PAWR: variants seen among roughly 807,000 people sequenced by gnomAD.
The protein encoded by PAWR is PRKC apoptosis WT1 regulator protein.
In PAWR, 23 loss-of-function variants were observed where a neutral mutation model predicts 32.0. The observed-to-expected ratio is 0.72, with a 90% CI of 0.52 to 1.02. The LOEUF (loss-of-function observed/expected upper bound fraction) is 1.02, where lower values mean the gene tolerates loss of function less well. Among genes scored for constraint, PAWR ranks in the 50% least tolerant of loss-of-function variants. The pLI, the probability that PAWR is intolerant of heterozygous loss-of-function variation, is 0.00. For missense variants in PAWR, 457 were observed against 437.7 expected (o/e 1.04, Z -0.39); for synonymous variants, 226 against 187.1 (o/e 1.21, Z -1.70).
In PAWR at chr12:79,591,294, C is replaced by G. The variant is rs1391788546; in HGVS notation, c.*1313G>C. The G allele has an allele frequency of 2.0e-5, 3 of 152,110 alleles. No individual in the cohort carries two copies. Among genetic ancestry groups the G allele is most frequent in the Non-Finnish European group, 4.4e-5 (3 of 68,016 alleles). The allele number at this position is 152,110 out of a possible 1,614,324, so 9.4% of individuals were successfully genotyped here. A position where few individuals can be genotyped will look rare whatever the true frequency, so the allele number is the denominator to read the frequency against. On this transcript the variant is annotated 3_prime_UTR_variant, in exon 7 of 7. Transcript: ENST00000328827. ...TGTCTCACCTTCTCTATTTTTCTAA[C>G]AGTGAACAATAAAAGGGCTTGGCAA...
chr12:79,672,791 T>G (rs1319897954), intron 2 of PAWR, among the ~76,000 whole-genome samples: 1 of 151,886 alleles, frequency 6.6e-6, no homozygotes, highest in Non-Finnish European at 1.5e-5. Context: ...GAAAATAAAA[T>G]AATCCTAATT....
chr12:79,637,729 C>A (rs1876029793), intron 2 of PAWR, among the ~76,000 whole-genome samples: 1 of 151,940 alleles, frequency 6.6e-6, no homozygotes, highest in Non-Finnish European at 1.5e-5. Context: ...CACTCACACA[C>A]ATACAACATA....
chr12:79,681,421 C>T (rs775944707), intron 2 of PAWR, among the ~76,000 whole-genome samples: 2 of 152,066 alleles, frequency 1.3e-5, no homozygotes. Context: ...CATAGTACTG[C>T]AGCCTGGGGA....
At chr12:79,621,477 T>C (rs774618657) in intron 2 of PAWR, among the ~76,000 whole-genome samples, 7 of 152,212 alleles carry the variant, frequency 4.6e-5, no homozygotes, top group Non-Finnish European at 1.0e-4. Flanking sequence ...GAAAGGTTTA[T>C]TCATTCTTTA....
intron 2 of PAWR, among the ~76,000 whole-genome samples, chr12:79,623,776 G>C (rs888057662): frequency 1.3e-5 from 2 of 151,714 alleles, no homozygotes; most frequent in African/African-American, 4.8e-5. Flanking sequence ...GCATCATCTG[G>C]AAGAAAAAAT....
chr12:79,610,028 C>T (rs1874365587), intron 4 of PAWR, among the ~76,000 whole-genome samples: 1 of 152,170 alleles, frequency 6.6e-6, no homozygotes, highest in African/African-American at 2.4e-5. Context: ...ACCTGTGCTC[C>T]CCCTCCCACG....
chr12:79,617,519 A>G (rs1313521890), intron 3 of PAWR, among the ~76,000 whole-genome samples: 3 of 152,160 alleles, frequency 2.0e-5, no homozygotes, highest in Non-Finnish European at 4.4e-5. Flanking sequence ...CCAAAAAGAG[A>G]AAACTGGGCA....
intron 4 of PAWR, among the ~76,000 whole-genome samples, chr12:79,598,525 C>T (rs1873844468): frequency 6.6e-6 from 1 of 152,156 alleles, no homozygotes; most frequent in Non-Finnish European, 1.5e-5. Flanking sequence ...AGCAAATTTA[C>T]AGTTAAATCG....
chr12:79,639,086 T>C (rs1201131179), intron 2 of PAWR, among the ~76,000 whole-genome samples: 1 of 149,572 alleles, frequency 6.7e-6, no homozygotes, highest in African/African-American at 2.5e-5. Flanking sequence ...CTAATTTTTG[T>C]ATTTTTAGTA....
intron 4 of PAWR, among the ~76,000 whole-genome samples, chr12:79,606,220 T>C (rs1007395625): frequency 6.6e-6 from 1 of 152,194 alleles, no homozygotes; most frequent in Non-Finnish European, 1.5e-5. Context: ...AGAATGGATA[T>C]GAACGGTATG....
At chr12:79,610,350 C>A (rs1353692187) in intron 4 of PAWR, among the ~76,000 whole-genome samples, 1 of 152,138 alleles carries the variant, frequency 6.6e-6, no homozygotes, top group African/African-American at 2.4e-5. Context: ...TCAAACTGTT[C>A]CCTAATGTAC....
At chr12:79,667,376 C>A (rs1430115698) in intron 2 of PAWR, among the ~76,000 whole-genome samples, 1 of 152,106 alleles carries the variant, frequency 6.6e-6, no homozygotes, top group African/African-American at 2.4e-5. Context: ...TCTGATCAAA[C>A]CTCTAGTTTA....
rs568791207 is a variant in PAWR at position 79,687,696 on chromosome 12, C to T, written c.516+2033G>A. Among the ~76,000 whole-genome samples, 22 of 152,144 alleles carry T rather than the reference C, an allele frequency of 1.4e-4. No homozygotes were observed. In the South Asian group the frequency reaches 4.1e-3, roughly 29 times the overall value. On this transcript the variant is annotated intron_variant, in intron 2 of 6. Coordinates refer to ENST00000328827, the MANE Select transcript of PAWR (RefSeq NM_002583.4). ...CTGGTATTCTCAATGTTGAAACTAC[C>T]AGGAGAAATGGCACAATTCTAAAAA...
intron 2 of PAWR, among the ~76,000 whole-genome samples, chr12:79,667,266 T>C (rs773162360): frequency 2.0e-5 from 3 of 152,164 alleles, no homozygotes; most frequent in Admixed American, 6.5e-5. Context: ...ATTGCTGACA[T>C]AGAAAAAGAA....
chr12:79,600,264 C>T (rs1415390307), intron 4 of PAWR, among the ~76,000 whole-genome samples: 1 of 152,040 alleles, frequency 6.6e-6, no homozygotes, highest in Non-Finnish European at 1.5e-5. Flanking sequence ...TCAAAAAAGT[C>T]CAGTAAAGTT....
At chr12:79,638,680 A>G (rs1876086283) in intron 2 of PAWR, among the ~76,000 whole-genome samples, 1 of 150,984 alleles carries the variant, frequency 6.6e-6, no homozygotes, top group Non-Finnish European at 1.5e-5. Flanking sequence ...TTGTATGAAT[A>G]ATGGCTCCGA....
At chr12:79,614,027 T>G (rs1874606312) in intron 3 of PAWR, among the ~76,000 whole-genome samples, 1 of 93,340 alleles carries the variant, frequency 1.1e-5, no homozygotes, top group African/African-American at 3.7e-5. Context: ...TTTTTTTTTT[T>G]GAGAAGGAGT....
Position 79,689,643 on chromosome 12 carries a change from G to A in PAWR, c.516+86C>T. On this transcript the variant is annotated intron_variant, in intron 2 of 6. Transcript: ENST00000328827. ...GTACGAGCCAGGGGAGGTAAACTCT[G>A]CGCCCCGGGTAGCTCCCAGGAGGAA... is the stretch of plus-strand genomic sequence containing the variant. The A allele has an allele frequency of 2.1e-6, 3 of 1,441,310 alleles. No homozygotes were observed. In the South Asian group the frequency reaches 4.0e-5, roughly 19 times the overall value. 89.3% of individuals were successfully genotyped at this position (1,441,310 alleles called of 1,614,324 possible). A position where few individuals can be genotyped will look rare whatever the true frequency, so the allele number is the denominator to read the frequency against.
At chr12:79,663,705 A>T (rs1238700962) in intron 2 of PAWR, among the ~76,000 whole-genome samples, 3 of 151,950 alleles carry the variant, frequency 2.0e-5, no homozygotes, top group African/African-American at 7.3e-5. Flanking sequence ...GATTGCAGTG[A>T]GCCATGATCT....
Sources: gnomAD v4.1 joint callset for allele counts (sites outside exome capture counted in the v4.1 genomes callset) on GRCh38, gnomAD v4.1.1 for gene constraint, MANE v1.5 for transcripts, NCBI Gene and HGNC (gene_info 2026-07-23, HGNC 2026-07-21) for gene names.